Variants in LARP1B observed in about 807,000 individuals in gnomAD.
The protein encoded by LARP1B is La ribonucleoprotein 1B, also known as la-related protein 1B.
In LARP1B, 76 loss-of-function variants were observed where a neutral mutation model predicts 114.2. The ratio of observed to expected loss-of-function variants is 0.67; its 90% CI spans 0.55 to 0.81. The LOEUF (loss-of-function observed/expected upper bound fraction) is 0.81, where lower values mean the gene tolerates loss of function less well. Ranked by LOEUF, LARP1B falls within the 30% of genes least tolerant of loss-of-function variation. LARP1B has a pLI of 0.00. For missense variants in LARP1B, 1,014 were observed against 1,075.8 expected (o/e 0.94, Z 0.80); for synonymous variants, 345 against 348.0 (o/e 0.99, Z 0.10).
Position 128,203,318 on chromosome 4 carries a change from TCTCCCTCC to T in LARP1B, c.2309+2673_2309+2680del, listed in dbSNP as rs373986045. 5.9e-4 allele frequency among the ~76,000 whole-genome samples: 87 copies of T among 146,806 alleles called. 2 individuals carry two copies. The highest frequency in any genetic ancestry group is 2.1e-3 in the African/African-American group (83 of 40,116). ...TAAGTGCTTGACAAATGATTCCCTCTCTCCCTCCCTCCCTCCCTCCCTCCCTCTTTTCT... is the reference window on the plus strand; with the variant it reads ...TAAGTGCTTGACAAATGATTCCCTCTCTCCCTCCCTCCCTCCCTCTTTTCT... On this transcript the variant is annotated intron_variant, in intron 17 of 19. Coordinates refer to ENST00000326639, the MANE Select transcript of LARP1B (RefSeq NM_018078.4).
At chr4:128,117,408 C>G (rs1786251060) in intron 10 of LARP1B, among the ~76,000 whole-genome samples, 1 of 151,882 alleles carries the variant, frequency 6.6e-6, no homozygotes, top group African/African-American at 2.4e-5. Context: ...TTTTTTCAGA[C>G]AGAATCTCAC....
At chr4:128,168,248 C>T (rs1741991630) in intron 12 of LARP1B, among the ~76,000 whole-genome samples, 2 of 151,880 alleles carry the variant, frequency 1.3e-5, no homozygotes, top group Admixed American at 1.3e-4. Context: ...TCCAGTTGCT[C>T]TACATCATCA....
chr4:128,122,021 C>CAA lies in LARP1B; in HGVS notation c.1358_1359insAA (p.Thr454ArgfsTer6). 2 of 1,613,684 alleles carry CAA rather than the reference C, an allele frequency of 1.2e-6. No homozygotes were observed. Among genetic ancestry groups the CAA allele is most frequent in the Non-Finnish European group, 1.7e-6 (2 of 1,179,902 alleles). ...CTTAAACAAGATTTTGATTGTAACT[C>CAA]AGACACCACCTTATGTGAAAAAACA... On this transcript the variant is annotated frameshift_variant, in exon 11 of 20. Transcript: ENST00000326639. LOFTEE classifies it high-confidence loss of function.
At chr4:128,182,660 G>A (rs755503973) in intron 15 of LARP1B, among the ~76,000 whole-genome samples, 11 of 152,118 alleles carry the variant, frequency 7.2e-5, no homozygotes, top group Non-Finnish European at 1.3e-4. Flanking sequence ...AATTGTTCAA[G>A]TGAAATTAAG....
At chr4:128,140,008 TC>T (rs1489850909) in intron 11 of LARP1B, among the ~76,000 whole-genome samples, 2 of 152,170 alleles carry the variant, frequency 1.3e-5, no homozygotes, top group Non-Finnish European at 2.9e-5. Flanking sequence ...ATGTGGCTAG[TC>T]CAAATAGGAT....
At chr4:128,197,579 A>G (rs990524333) in intron 15 of LARP1B, among the ~76,000 whole-genome samples, 2 of 152,110 alleles carry the variant, frequency 1.3e-5, no homozygotes, top group Non-Finnish European at 1.5e-5. Flanking sequence ...CTGTAGTCCC[A>G]GCTACTCAGG....
At chr4:128,212,975 A>G (rs1015322337), downstream of LARP1B, among the ~76,000 whole-genome samples, 12 of 138,726 alleles carry the variant, frequency 8.7e-5, no homozygotes, top group Non-Finnish European at 1.7e-4. Context: ...CTGGAGTGCA[A>G]TGACGCGATC....
intron 9 of LARP1B, among the ~76,000 whole-genome samples, chr4:128,111,839 G>A (rs904903526): frequency 2.0e-5 from 3 of 151,724 alleles, no homozygotes; most frequent in South Asian, 2.1e-4. Context: ...CTACCACCAC[G>A]CCTGGCTAAT....
At chr4:128,136,309 T>G (rs558110625) in intron 11 of LARP1B, among the ~76,000 whole-genome samples, 1 of 131,862 alleles carries the variant, frequency 7.6e-6, no homozygotes, top group East Asian at 2.1e-4. Flanking sequence ...CAAATAACAG[T>G]CTCAAGAAAA....
At chr4:128,137,601 A>G (rs1425792401) in intron 11 of LARP1B, among the ~76,000 whole-genome samples, 1 of 151,860 alleles carries the variant, frequency 6.6e-6, no homozygotes, top group Non-Finnish European at 1.5e-5. Flanking sequence ...ATAATTGTAT[A>G]TATTTATGGG....
At chr4:128,069,054 C>T in intron 1 of LARP1B, 2 of 1,006,716 alleles carry the variant, frequency 2.0e-6, no homozygotes, top group Non-Finnish European at 3.0e-6. Flanking sequence ...GCGCCTTCTC[C>T]AAGCTCCCTG....
chr4:128,209,916 A>G lies in LARP1B; in HGVS notation c.2608A>G (p.Asn870Asp). ...TTCCTCTACTTCTGGTGAGGAGAGT[A>G]ATCGTCATAGACTTCCACCTAATTC... Reference protein sequence around the residue: ...RHSSTSGEESNRHRLPPNSST... With the variant: ...RHSSTSGEESDRHRLPPNSST... Residue 870 changes from asparagine (N) to aspartate (D), a missense_variant, in exon 20 of 20, where the codon AAT (asparagine) becomes GAT (aspartate). By Grantham distance (23) the Asn-to-Asp change is conservative. Transcript: ENST00000326639. The G allele has an allele frequency of 6.2e-7, 1 of 1,613,944 alleles. No individual in the cohort carries two copies. Among genetic ancestry groups the G allele is most frequent in the Non-Finnish European group, 8.5e-7 (1 of 1,179,840 alleles).
intron 10 of LARP1B, among the ~76,000 whole-genome samples, chr4:128,117,630 C>T (rs552052832): frequency 4.7e-5 from 7 of 150,188 alleles, no homozygotes; most frequent in South Asian, 2.1e-4. Flanking sequence ...GTGATCCACC[C>T]GCCTCGGCCT....
intron 11 of LARP1B, among the ~76,000 whole-genome samples, chr4:128,125,764 C>G (rs934114944): frequency 6.6e-6 from 1 of 151,848 alleles, no homozygotes; most frequent in African/African-American, 2.4e-5. Context: ...AAAACAAAAA[C>G]AAAAACAAAA....
At chr4:128,094,574 T>G (rs1777218020) in intron 7 of LARP1B, among the ~76,000 whole-genome samples, 1 of 151,274 alleles carries the variant, frequency 6.6e-6, no homozygotes, top group East Asian at 2.0e-4. Context: ...GCCCAGCTAA[T>G]TTTTGTATTT....
In LARP1B at chr4:128,143,111, C is replaced by A. The variant is rs932219370; in HGVS notation, c.1525-19083C>A. Among the ~76,000 whole-genome samples, 18 of 151,838 alleles carry A rather than the reference C, an allele frequency of 1.2e-4. 1 individual carries two copies. The highest frequency in any genetic ancestry group is 8.5e-4 in the Admixed American group (13 of 15,246). ...ACCATCCTGGCCAACATGGTGAAAC[C>A]CCATCCCTACTAAAAATGTAAAAAT... is the stretch of plus-strand genomic sequence containing the variant. On this transcript the variant is annotated intron_variant, in intron 11 of 19. Transcript: ENST00000326639.
intron 13 of LARP1B, among the ~76,000 whole-genome samples, 154 bp from the exon 14 acceptor site, chr4:128,178,277 G>C (rs146858116): frequency 4.1e-4 from 62 of 151,722 alleles, no homozygotes; most frequent in African/African-American, 1.5e-3. Context: ...GCTAGATAAT[G>C]GTCAAAAAAG....
intron 11 of LARP1B, chr4:128,122,930 A>G (rs1580709735): frequency 1.5e-5 from 15 of 985,874 alleles, no homozygotes; most frequent in Non-Finnish European, 1.8e-5. Context: ...TTTTTCTGCT[A>G]TTAAGTTTAT....
chr4:128,095,420 C>T (rs572802614), intron 7 of LARP1B, among the ~76,000 whole-genome samples: 45 of 138,694 alleles, frequency 3.2e-4, no homozygotes, highest in Middle Eastern at 3.8e-3. Context: ...ACCTGTGAGG[C>T]GGAGGTCGCA....
Sources: allele counts gnomAD v4.1 joint callset (sites outside exome capture counted in the v4.1 genomes callset), GRCh38; gene constraint gnomAD v4.1.1; transcripts MANE v1.5; gene names NCBI Gene and HGNC (gene_info 2026-07-23, HGNC 2026-07-21).